Variants in RNF149 observed in about 807,000 individuals in gnomAD.
RNF149 encodes the protein ring finger protein 149.
In RNF149, 21 loss-of-function variants were observed where a neutral mutation model predicts 39.0. The observed-to-expected ratio is 0.54, with a 90% CI of 0.38 to 0.77. The LOEUF (loss-of-function observed/expected upper bound fraction) is 0.77. Ranked by LOEUF, RNF149 falls within the 30% of genes least tolerant of loss-of-function variation. RNF149 has a pLI of 0.00. For missense variants in RNF149, 493 were observed against 534.9 expected, an observed-to-expected ratio of 0.92 and a Z score of 0.77; for synonymous variants, 209 against 213.6, an observed-to-expected ratio of 0.98 and a Z score of 0.19.
chr2:101,276,617 G>C lies in RNF149; in HGVS notation c.*621C>G. 1.0e-6 allele frequency: 1 copy of C among 985,608 alleles called. No individual in the cohort carries two copies. Among genetic ancestry groups the C allele is most frequent in the African/African-American group, 1.7e-5 (1 of 57,236 alleles). The allele number at this position is 985,608 out of a possible 1,614,324, so 61.1% of individuals were successfully genotyped here. ...CCCAACAAGGCGTCACAAGAAATGA[G>C]GCAATAAAGGGAAAAATGCAAATCC... On this transcript the variant is annotated 3_prime_UTR_variant, in exon 7 of 7. Transcript: ENST00000295317.
intron 2 of RNF149, chr2:101,294,313 G>C (rs553283362): frequency 2.5e-6 from 1 of 402,084 alleles, no homozygotes; most frequent in Admixed American, 4.2e-5. Flanking sequence ...TTAATATGCA[G>C]AACAGCCATA....
chr2:101,284,409 A>G (rs1682713138), intron 5 of RNF149, among the ~76,000 whole-genome samples: 1 of 152,076 alleles, frequency 6.6e-6, no homozygotes, highest in South Asian at 2.1e-4. Flanking sequence ...GTAAAACCCT[A>G]TCTCTACAAA....
At chr2:101,281,203 T>C (rs996375009) in intron 6 of RNF149, among the ~76,000 whole-genome samples, 1 of 151,314 alleles carries the variant, frequency 6.6e-6, no homozygotes, top group Non-Finnish European at 1.5e-5. Context: ...TTCAAGAAAT[T>C]ATAGAAAATT....
downstream of RNF149, chr2:101,271,520 T>A (rs1231181708): frequency 6.7e-6 from 1 of 149,536 alleles, no homozygotes; most frequent in African/African-American, 2.5e-5. Context: ...TAGTCCCAGC[T>A]ACTCTGGAAG....
chr2:101,285,803 A>G (rs1558782043), intron 5 of RNF149, among the ~76,000 whole-genome samples: 1 of 152,236 alleles, frequency 6.6e-6, no homozygotes, highest in Non-Finnish European at 1.5e-5. Flanking sequence ...GCATACATAC[A>G]TTCTGTGGTG....
intron 5 of RNF149, among the ~76,000 whole-genome samples, chr2:101,282,984 GC>G (rs35379583): frequency 0.39 from 59,553 of 151,828 alleles, 12,216 homozygotes; most frequent in East Asian, 0.52. Flanking sequence ...CCAAACTCCT[GC>G]CCAGCCTAGC....
At chr2:101,273,476 C>CTT (rs937334137), downstream of RNF149, 335 of 349,852 alleles carry the variant, frequency 9.6e-4, no homozygotes, top group Admixed American at 1.4e-3. Flanking sequence ...ATATTTGTTT[C>CTT]TTTTTTTTTT....
chr2:101,281,949 T>C lies in RNF149; in HGVS notation c.1069A>G (p.Ser357Gly). The C allele has an allele frequency of 6.2e-7, 1 of 1,613,940 alleles. No individual in the cohort carries two copies. The highest frequency in any genetic ancestry group is 8.5e-7 in the Non-Finnish European group (1 of 1,179,938). ...GCAGGGGAGGCTGATGGTGGACTGC[T>C]GTCATCACTTCCGTCATCATCTGGT... The part of the protein sequence containing the change: ...ALPDDDGSDD[S>G]SPPSASPAES... The change falls in exon 6 of 7, where the codon AGC (serine) becomes GGC (glycine). Residue 357 changes from serine to glycine, a missense_variant. Coordinates refer to ENST00000295317, the MANE Select transcript of RNF149 (RefSeq NM_173647.4).
In RNF149 at chr2:101,295,028, G is replaced by A; in HGVS notation, c.614C>T (p.Ala205Val). The change falls in exon 2 of 7, where the codon GCC becomes GTC. Residue 205 changes from alanine (A) to valine (V), a missense_variant. Coordinates refer to ENST00000295317, the MANE Select transcript of RNF149 (RefSeq NM_173647.4). ...FISGQSVVFV[A>V]IAFITMMIIS... ...AATCATCATGGTGATGAAGGCAATG[G>A]CCACAAACACCACAGACTGACCGCT... is the stretch of plus-strand genomic sequence containing the variant. 6.2e-7 allele frequency: 1 copy of A among 1,614,084 alleles called. No homozygotes were observed. The highest frequency in any genetic ancestry group is 1.7e-5 in the Admixed American group (1 of 60,014).
Position 101,275,886 on chromosome 2 carries a change from C to T in RNF149, c.*1352G>A. 2 of 985,256 alleles carry T rather than the reference C, an allele frequency of 2.0e-6. No homozygotes were observed. Among genetic ancestry groups the T allele is most frequent in the South Asian group, 9.4e-5 (2 of 21,286 alleles). The allele number at this position is 985,256 out of a possible 1,614,324, so 61.0% of individuals were successfully genotyped here. ...CCTACTTGAGGTTGTCTGCTAAAAC[C>T]AACTCAGTGTGCAAAGCGAAATACA... On this transcript the variant is annotated 3_prime_UTR_variant, in exon 7 of 7. Transcript: ENST00000295317.
chr2:101,291,723 C>A (rs1205772437), intron 3 of RNF149, among the ~76,000 whole-genome samples: 1 of 152,078 alleles, frequency 6.6e-6, no homozygotes, highest in Non-Finnish European at 1.5e-5. Context: ...TTTTTAAAGT[C>A]TCTAATAATG....
intron 6 of RNF149, among the ~76,000 whole-genome samples, chr2:101,278,079 G>A (rs1682418967): frequency 1.3e-5 from 2 of 152,172 alleles, no homozygotes; most frequent in Non-Finnish European, 2.9e-5. Context: ...AAGGCTCTTA[G>A]AATAGAATAC....
At chr2:101,287,017 G>C (rs983105511) in intron 4 of RNF149, among the ~76,000 whole-genome samples, 16 of 152,178 alleles carry the variant, frequency 1.1e-4, no homozygotes, top group Admixed American at 3.3e-4. Flanking sequence ...TCTGCTAGTG[G>C]AGTTAAAAGT....
intron 1 of RNF149, among the ~76,000 whole-genome samples, chr2:101,296,795 T>C (rs1573251353): frequency 6.6e-6 from 1 of 152,072 alleles, no homozygotes; most frequent in African/African-American, 2.4e-5. Flanking sequence ...AAAAAATACA[T>C]ATTGACGAAA....
intron 3 of RNF149, among the ~76,000 whole-genome samples, chr2:101,292,294 T>C (rs1444826022): frequency 6.6e-6 from 1 of 152,182 alleles, no homozygotes; most frequent in African/African-American, 2.4e-5. Flanking sequence ...CATAAGGCTT[T>C]TTTGCAAGGG....
chr2:101,294,864 G>C (rs2104417361), intron 2 of RNF149, 67 bp downstream of exon 2: 1 of 1,234,926 alleles, frequency 8.1e-7, no homozygotes, highest in African/African-American at 1.5e-5. Flanking sequence ...TAACTTCTAG[G>C]AATATATATG....
intron 1 of RNF149, among the ~76,000 whole-genome samples, chr2:101,299,812 G>GT (rs1683382770): frequency 6.6e-6 from 1 of 152,192 alleles, no homozygotes; most frequent in Admixed American, 6.5e-5. Flanking sequence ...CTACAGCTGA[G>GT]TGTTCAGAAA....
intron 6 of RNF149, among the ~76,000 whole-genome samples, chr2:101,280,767 G>T (rs937514490): frequency 5.3e-5 from 8 of 152,064 alleles, no homozygotes; most frequent in Admixed American, 1.3e-4. Context: ...AAAATAAGCA[G>T]TTCATCAAAG....
intron 5 of RNF149, among the ~76,000 whole-genome samples, chr2:101,284,848 T>C (rs1336816302): frequency 6.6e-6 from 1 of 152,186 alleles, no homozygotes; most frequent in African/African-American, 2.4e-5. Context: ...AAAAATATGT[T>C]TAGCAACAAG....
Sources: allele counts gnomAD v4.1 joint callset (sites outside exome capture counted in the v4.1 genomes callset), GRCh38; gene constraint gnomAD v4.1.1; transcripts MANE v1.5; gene names NCBI Gene and HGNC (gene_info 2026-07-23, HGNC 2026-07-21).